The following IL16 variants were observed in gnomAD, a reference collection of about 807,000 sequenced individuals.
IL16 encodes the protein interleukin 16.
A neutral mutation model predicts 110.1 loss-of-function variants in IL16; 67 were observed. That is an observed-to-expected ratio of 0.61 (90% CI 0.50 to 0.75). IL16 has a LOEUF of 0.75. IL16 is among the 30% of genes least tolerant of loss of function. IL16 has a pLI of 0.00. For synonymous variants in IL16, 689 were observed against 662.9 expected (o/e 1.04, Z -0.61); for missense variants, 1,545 against 1,655.0 (o/e 0.93, Z 1.15).
At chr15:81,183,035 G>A in intron 1 of IL16, 1 of 446,624 alleles carries the variant, frequency 2.2e-6, no homozygotes, top group Non-Finnish European at 4.3e-6. Context: ...GTGTGTGTGT[G>A]CACACGTGTG....
At chr15:81,192,833 GGAAA>G (rs1446701017), upstream of IL16, among the ~76,000 whole-genome samples, 2 of 152,088 alleles carry the variant, frequency 1.3e-5, no homozygotes, top group Admixed American at 1.3e-4. Context: ...GGAGAGAAGC[GGAAA>G]GAAAGTGGGA....
chr15:81,205,340 A>G (rs1032452172), intron 1 of IL16, among the ~76,000 whole-genome samples: 1 of 151,958 alleles, frequency 6.6e-6, no homozygotes, highest in Non-Finnish European at 1.5e-5. Flanking sequence ...GATGATATAT[A>G]ATGATCTATG....
intron 1 of IL16, among the ~76,000 whole-genome samples, chr15:81,205,391 C>T (rs540235483): frequency 1.4e-4 from 21 of 152,132 alleles, no homozygotes; most frequent in African/African-American, 4.8e-4. Flanking sequence ...GCACCTAGCA[C>T]CTCACCTCTT....
At chr15:81,244,343 G>A (rs955136675) in intron 2 of IL16, among the ~76,000 whole-genome samples, 30 of 151,988 alleles carry the variant, frequency 2.0e-4, no homozygotes, top group African/African-American at 7.2e-4. Context: ...CTTCTGTTTC[G>A]TGAATGTGCT....
At chr15:81,264,595 A>G (rs1282866845) in intron 3 of IL16, among the ~76,000 whole-genome samples, 1 of 152,208 alleles carries the variant, frequency 6.6e-6, no homozygotes, top group Non-Finnish European at 1.5e-5. Flanking sequence ...AATTTTTCAC[A>G]AAAGCCTGTC....
intron 1 of IL16, among the ~76,000 whole-genome samples, chr15:81,215,208 G>T (rs1350542816): frequency 6.6e-6 from 1 of 152,184 alleles, no homozygotes; most frequent in Admixed American, 6.5e-5. Context: ...TTTTTAAATT[G>T]CCAGAGTTGT....
chr15:81,304,231 T>TA (rs1900437967), intron 16 of IL16, among the ~76,000 whole-genome samples: 1 of 152,008 alleles, frequency 6.6e-6, no homozygotes, highest in African/African-American at 2.4e-5. Context: ...TTCTATCACA[T>TA]AAAAAACACT....
Position 81,225,404 on chromosome 15 carries a change from A to T in IL16, c.5A>T (p.Glu2Val). The change falls in exon 2 of 19, where the codon GAG (glutamate) becomes GTG (valine). Residue 2 changes from glutamate to valine, a missense_variant. Coordinates refer to ENST00000683961, the MANE Select transcript of IL16 (RefSeq NM_172217.5). ...AGCTTCACTTCCTCTTTGAGGATGG[A>T]GTCGCACAGCCGCGCTGGAAAGAGC... M[E>V]SHSRAGKSRK... 1 of 1,613,720 alleles carries T rather than the reference A, an allele frequency of 6.2e-7. No homozygotes were observed.
chr15:81,210,345 G>A (rs986921221), intron 1 of IL16, among the ~76,000 whole-genome samples: 1 of 152,090 alleles, frequency 6.6e-6, no homozygotes, highest in Non-Finnish European at 1.5e-5. Context: ...GGCTATGTGG[G>A]TTCTTTTTTG....
At chr15:81,227,441 C>T (rs533146643) in intron 2 of IL16, among the ~76,000 whole-genome samples, 1 of 152,030 alleles carries the variant, frequency 6.6e-6, no homozygotes, top group African/African-American at 2.4e-5. Context: ...GCATCACGTG[C>T]CCACCTGGGG....
intron 2 of IL16, among the ~76,000 whole-genome samples, chr15:81,237,905 T>A (rs1026159896): frequency 5.9e-5 from 9 of 151,626 alleles, no homozygotes; most frequent in African/African-American, 1.9e-4. Context: ...TTATTTATTT[T>A]ATTTATTTAT....
chr15:81,194,331 C>T (rs1895546014), upstream of IL16, among the ~76,000 whole-genome samples: 1 of 152,124 alleles, frequency 6.6e-6, no homozygotes, highest in Admixed American at 6.5e-5. Context: ...TTTAAGGACA[C>T]ACTTTCTTTT....
At chr15:81,275,767 G>A (rs1437643821) in intron 6 of IL16, among the ~76,000 whole-genome samples, 1 of 152,168 alleles carries the variant, frequency 6.6e-6, no homozygotes, top group Non-Finnish European at 1.5e-5. Flanking sequence ...ATCATCTTTT[G>A]TAACTTCTTT....
In IL16 at chr15:81,303,809, G is replaced by C. The variant is rs139896355; in HGVS notation, c.3420+159G>C. On this transcript the variant is annotated intron_variant, in intron 16 of 18. Coordinates refer to ENST00000683961, the MANE Select transcript of IL16 (RefSeq NM_172217.5). This position sits in a 1 kb window ranked among gnomAD's most constrained non-coding sequence, Gnocchi z 4.1. ...TCCACTCAGCACATCCCAGAGCCTG[G>C]GGCTGCGTGGAGAGGGTAGCAGGCC... Among the ~76,000 whole-genome samples, 513 of 152,338 alleles carry C rather than the reference G, an allele frequency of 3.4e-3. 4 individuals are homozygous for C. Among genetic ancestry groups the C allele is most frequent in the African/African-American group, 0.012 (491 of 41,574 alleles).
chr15:81,204,395 T>A (rs57173059), intron 1 of IL16, among the ~76,000 whole-genome samples: 12,774 of 152,182 alleles, frequency 0.084, 527 homozygotes, highest in Middle Eastern at 0.1. Flanking sequence ...TTCCCTGTCT[T>A]GTGCCCGTTT....
chr15:81,231,028 G>C (rs1319242086), intron 2 of IL16, among the ~76,000 whole-genome samples: 1 of 151,906 alleles, frequency 6.6e-6, no homozygotes, highest in East Asian at 1.9e-4. Flanking sequence ...GTCAAACCTG[G>C]CCCCAGATTC....
At chr15:81,289,432 G>T (rs1567038742) in intron 10 of IL16, among the ~76,000 whole-genome samples, 1 of 152,176 alleles carries the variant, frequency 6.6e-6, no homozygotes, top group Non-Finnish European at 1.5e-5. Context: ...ACCATGCCCA[G>T]CCTCTTTTCT....
chr15:81,295,320 A>C, intron 12 of IL16: 1 of 1,110,818 alleles, frequency 9.0e-7, no homozygotes, highest in Non-Finnish European at 1.1e-6. Flanking sequence ...TGTAAAATCA[A>C]ATTTATTTCA....
chr15:81,284,686 G>C (rs974079313), intron 9 of IL16, among the ~76,000 whole-genome samples: 2 of 152,244 alleles, frequency 1.3e-5, no homozygotes, highest in Non-Finnish European at 2.9e-5. Context: ...CAGGAGGCTA[G>C]AGTTCCAATC....
Sources: allele counts gnomAD v4.1 joint callset (sites outside exome capture counted in the v4.1 genomes callset), GRCh38; gene constraint gnomAD v4.1.1; non-coding constraint Gnocchi (gnomAD v3.1); transcripts MANE v1.5; gene names NCBI Gene and HGNC (gene_info 2026-07-23, HGNC 2026-07-21).